CNTLN: variants seen among roughly 807,000 people sequenced by gnomAD.
CNTLN encodes centlein.
CNTLN carries 212 observed loss-of-function variants against 180.0 expected under a neutral mutation model. That is an observed-to-expected ratio of 1.18 (90% confidence interval 1.05 to 1.32). The LOEUF is 1.32. CNTLN is among the 40% of genes most tolerant of loss of function. The pLI, the probability that CNTLN is intolerant of heterozygous loss-of-function variation, is 0.00. For synonymous variants in CNTLN, 722 were observed against 563.1 expected, an observed-to-expected ratio of 1.28 and a Z score of -3.99; for missense variants, 2,095 against 1,610.9, an observed-to-expected ratio of 1.30 and a Z score of -5.14.
rs757313815 is a variant in CNTLN, at chr9:17,143,289, C to G, written c.362C>G (p.Ala121Gly). ...SLKEELALCQ[A>G]DKEFVWSLWK... is the part of the protein sequence containing the mutation. ...TAAATTCTCTTTTATTTCTTTAAGG[C>G]TGATAAAGAATTTGTATGGTCTTTG... The change falls in exon 2 of 26, where the codon GCT becomes GGT. Residue 121 changes from alanine to glycine, a missense_variant and splice_region_variant. By Grantham distance (60) the Ala-to-Gly change is moderately conservative. Transcript: ENST00000380647. 1.2e-6 allele frequency: 2 copies of G among 1,607,392 alleles called. No homozygotes were observed. Among genetic ancestry groups the G allele is most frequent in the South Asian group, 2.2e-5 (2 of 90,504 alleles).
intron 2 of CNTLN, among the ~76,000 whole-genome samples, chr9:17,210,006 T>C (rs55863202): frequency 0.025 from 3,780 of 152,308 alleles, 67 homozygotes; most frequent in Non-Finnish European, 0.042. Flanking sequence ...ACATCTTTCA[T>C]TGTAACTTGC....
Position 17,361,846 on chromosome 9 carries a change from C to G in CNTLN, c.1887-4771C>G, listed in dbSNP as rs141985485. ...TCCAGTGGCCGAATACAGTTGTTTC[C>G]TATCATTTGTCCAGTAAGAAATAGA... On this transcript the variant is annotated intron_variant, in intron 12 of 25. Transcript: ENST00000380647. 1.1e-3 allele frequency among the ~76,000 whole-genome samples: 168 copies of G among 152,294 alleles called. 1 individual carries two copies. Among genetic ancestry groups the G allele is most frequent in the African/African-American group, 3.8e-3 (160 of 41,566 alleles).
At chr9:17,174,523 C>A (rs904793353) in intron 2 of CNTLN, among the ~76,000 whole-genome samples, 1 of 151,938 alleles carries the variant, frequency 6.6e-6, no homozygotes, top group East Asian at 1.9e-4. Context: ...TGGTGAAACC[C>A]CATCTCTACC....
intron 8 of CNTLN, among the ~76,000 whole-genome samples, chr9:17,327,332 C>T (rs1820365886): frequency 6.6e-6 from 1 of 151,030 alleles, no homozygotes; most frequent in Non-Finnish European, 1.5e-5. Context: ...CCTGCCTCAG[C>T]CTCCCGAGTA....
At position 17,365,989 on chromosome 9, in the gene CNTLN, A is replaced by T. The variant is rs536884736; in HGVS notation, c.1887-628A>T. 4.6e-5 allele frequency among the ~76,000 whole-genome samples: 7 copies of T among 152,344 alleles called. No homozygotes were observed. In the East Asian group the frequency reaches 1.3e-3, roughly 29 times the overall value. On this transcript the variant is annotated intron_variant, in intron 12 of 25. Transcript: ENST00000380647. ...TTGAGCAATTTAATACATAATTTTT[A>T]AAATTATATAGTCTGTATTTTAAGT...
At position 17,466,718 on chromosome 9, in the gene CNTLN, A is replaced by G; in HGVS notation, c.3682A>G (p.Thr1228Ala). Residue 1228 changes from threonine to alanine, a missense_variant, in exon 23 of 26, where the codon ACT (threonine) becomes GCT (alanine). Physicochemically the swap from Thr to Ala is moderately conservative, Grantham distance 58. Coordinates refer to ENST00000380647, the MANE Select transcript of CNTLN (RefSeq NM_017738.4). ...TGATCTTTTGCAGGATCTCAAGCTT[A>G]CTCTCCTAGTATCAAGAATAAGTGA... The part of the protein sequence containing the change: ...EELEKKDLKL[T>A]LLVSRISETE... The G allele has an allele frequency of 6.2e-7, 1 of 1,608,148 alleles. No homozygotes were observed. The highest frequency in any genetic ancestry group is 8.5e-7 in the Non-Finnish European group (1 of 1,176,702).
rs758419252 is a variant in CNTLN at position 17,466,713 on chromosome 9, A to G, written c.3677A>G (p.Lys1226Arg). The change falls in exon 23 of 26, where the codon AAG becomes AGG. Residue 1226 changes from lysine to arginine, a missense_variant. Transcript: ENST00000380647. The stretch of plus-strand genomic sequence containing the variant: ...ACTGCTGATCTTTTGCAGGATCTCA[A>G]GCTTACTCTCCTAGTATCAAGAATA... Reference protein sequence around the residue: ...SKEELEKKDLKLTLLVSRISE... With the variant: ...SKEELEKKDLRLTLLVSRISE... The G allele has an allele frequency of 1.1e-5, 17 of 1,607,784 alleles. No individual in the cohort carries two copies. The highest frequency in any genetic ancestry group is 4.0e-5 in the African/African-American group (3 of 74,478).
intron 13 of CNTLN, among the ~76,000 whole-genome samples, chr9:17,384,198 A>G (rs1031490474): frequency 6.6e-6 from 1 of 152,006 alleles, no homozygotes; most frequent in Non-Finnish European, 1.5e-5. Context: ...GCGAGCTAAT[A>G]GGATCGAGTT....
intron 18 of CNTLN, among the ~76,000 whole-genome samples, chr9:17,451,054 C>T (rs907650057): frequency 3.3e-5 from 5 of 152,052 alleles, no homozygotes; most frequent in African/African-American, 4.8e-5. Context: ...TTTGAATTGA[C>T]TGTGAATTTA....
intron 13 of CNTLN, among the ~76,000 whole-genome samples, chr9:17,368,039 C>T (rs1823979824): frequency 6.6e-6 from 1 of 152,158 alleles, no homozygotes; most frequent in Admixed American, 6.5e-5. Context: ...CACCAAGCAG[C>T]TTGTGGGGTC....
At chr9:17,524,795 A>C in the CNTLN span, among the ~76,000 whole-genome samples, 259 of 152,306 alleles carry the variant, frequency 1.7e-3, 1 homozygote, top group African/African-American at 5.9e-3. Context: ...TAAGAATAAA[A>C]CCTTGGCTTG....
intron 13 of CNTLN, among the ~76,000 whole-genome samples, chr9:17,371,622 A>G (rs1015039406): frequency 3.3e-5 from 5 of 152,168 alleles, no homozygotes; most frequent in Admixed American, 3.3e-4. Flanking sequence ...AAATGGAGCT[A>G]ATATTTACAG....
At chr9:17,413,687 C>G (rs1336014703) in intron 16 of CNTLN, among the ~76,000 whole-genome samples, 3 of 152,212 alleles carry the variant, frequency 2.0e-5, no homozygotes, top group Non-Finnish European at 4.4e-5. Context: ...TATTAGGAAA[C>G]AGCTAAAGTA....
chr9:17,487,268 A>G (rs1832941083), intron 25 of CNTLN: 2 of 558,950 alleles, frequency 3.6e-6, no homozygotes, highest in Admixed American at 3.4e-5. Context: ...ACCTTGGGAT[A>G]GAGCCAACAT....
intron 13 of CNTLN, among the ~76,000 whole-genome samples, chr9:17,382,127 A>G (rs1373441200): frequency 6.6e-6 from 1 of 152,216 alleles, no homozygotes; most frequent in African/African-American, 2.4e-5. Context: ...AGCTGTTAGT[A>G]TATGTTGCGA....
chr9:17,152,172 C>G (rs1311149153), intron 2 of CNTLN, among the ~76,000 whole-genome samples: 2 of 152,112 alleles, frequency 1.3e-5, no homozygotes, highest in South Asian at 2.1e-4. Flanking sequence ...CAGTTTTGCT[C>G]TGATCTTAGT....
At chr9:17,489,001 T>C (rs1208821269) in intron 25 of CNTLN, among the ~76,000 whole-genome samples, 2 of 152,286 alleles carry the variant, frequency 1.3e-5, no homozygotes, top group South Asian at 2.1e-4. Context: ...AGACTTTTTA[T>C]TTTTATTACT....
At chr9:17,266,863 C>T (rs1827499329) in intron 5 of CNTLN, among the ~76,000 whole-genome samples, 1 of 152,034 alleles carries the variant, frequency 6.6e-6, no homozygotes, top group Admixed American at 6.6e-5. Flanking sequence ...ATTGCAACCC[C>T]TGCCTTTTTT....
At chr9:17,445,477 A>C (rs1039670794) in intron 18 of CNTLN, among the ~76,000 whole-genome samples, 2 of 152,108 alleles carry the variant, frequency 1.3e-5, no homozygotes, top group African/African-American at 2.4e-5. Context: ...AGATTCTGTT[A>C]ATCTATAACC....
Sources: allele counts gnomAD v4.1 joint callset (sites outside exome capture counted in the v4.1 genomes callset), GRCh38; gene constraint gnomAD v4.1.1; transcripts MANE v1.5; gene names NCBI Gene and HGNC (gene_info 2026-07-23, HGNC 2026-07-21).